The following GPA33 variants were observed in gnomAD, a reference collection of about 807,000 sequenced individuals.
The protein encoded by GPA33 is cell surface A33 antigen.
A neutral mutation model predicts 35.6 loss-of-function variants in GPA33; 27 were observed. That is an observed-to-expected ratio of 0.76 (90% CI 0.56 to 1.04). The LOEUF is 1.04. Among genes scored for constraint, GPA33 ranks in the 50% least tolerant of loss-of-function variants. GPA33 has a pLI of 0.00. For synonymous variants in GPA33, 176 were observed against 164.0 expected (o/e 1.07, Z -0.56); for missense variants, 428 against 411.9 (o/e 1.04, Z -0.34).
intron 3 of GPA33, among the ~76,000 whole-genome samples, chr1:167,064,310 AAAAAG>A (rs869297262): frequency 8.4e-6 from 1 of 119,710 alleles, no homozygotes; most frequent in African/African-American, 2.8e-5. Flanking sequence ...AGAAAAAAAG[AAAAAG>A]AAAGAAAGAA....
chr1:167,082,483 A>G (rs1666969480), intron 1 of GPA33, among the ~76,000 whole-genome samples: 1 of 152,206 alleles, frequency 6.6e-6, no homozygotes. Flanking sequence ...CCCCTTTGGG[A>G]TTGAAGAAGG....
At position 167,079,633 on chromosome 1, in the gene GPA33, C is replaced by T. The variant is rs111482955; in HGVS notation, c.44-6094G>A. On this transcript the variant is annotated intron_variant, in intron 1 of 6. Coordinates refer to ENST00000367868, the MANE Select transcript of GPA33 (RefSeq NM_005814.3). Reference sequence around the variant, plus strand: ...CACTTACATTTTCCATAATTTGAGACGAGAAGTTATTCCGTGTTTAAGAAC... The same window carrying T: ...CACTTACATTTTCCATAATTTGAGATGAGAAGTTATTCCGTGTTTAAGAAC... Among the ~76,000 whole-genome samples the T allele has an allele frequency of 1.6e-3, 242 of 152,266 alleles. 2 individuals carry two copies. Among genetic ancestry groups the T allele is most frequent in the African/African-American group, 5.4e-3 (224 of 41,546 alleles).
intron 4 of GPA33, among the ~76,000 whole-genome samples, chr1:167,059,630 C>A (rs1271081979): frequency 1.3e-5 from 2 of 152,170 alleles, no homozygotes; most frequent in Admixed American, 6.5e-5. Flanking sequence ...CCCCCTCCCC[C>A]ACTTCCTTGA....
chr1:167,060,104 G>T (rs1413508083), intron 4 of GPA33, among the ~76,000 whole-genome samples: 1 of 152,120 alleles, frequency 6.6e-6, no homozygotes, highest in Non-Finnish European at 1.5e-5. Flanking sequence ...TTTAAGATAA[G>T]ATCTGGCTCT....
At chr1:167,063,543 T>A (rs1265652380) in intron 4 of GPA33, 39 bp downstream of exon 4, 1 of 1,565,444 alleles carries the variant, frequency 6.4e-7, no homozygotes, top group African/African-American at 1.4e-5. Context: ...TGTGTTGCAC[T>A]TTGACGTGGG....
chr1:167,080,955 A>C (rs1454009566), intron 1 of GPA33, among the ~76,000 whole-genome samples: 3 of 152,344 alleles, frequency 2.0e-5, no homozygotes, highest in East Asian at 3.9e-4. Context: ...GAATTGCTGG[A>C]AATTGACCAA....
intron 4 of GPA33, among the ~76,000 whole-genome samples, chr1:167,056,701 G>T (rs1666284130): frequency 3.3e-4 from 1 of 2,992 alleles, no homozygotes. Flanking sequence ...TGGGTGTGTG[G>T]TGTGTGTAGT....
chr1:167,066,443 G>A (rs574715194), intron 3 of GPA33, among the ~76,000 whole-genome samples: 36 of 152,282 alleles, frequency 2.4e-4, no homozygotes, highest in South Asian at 2.1e-4. Flanking sequence ...CTCCCAAAGA[G>A]ATCAGCCTTA....
At chr1:167,067,616 T>A (rs1666628738) in intron 3 of GPA33, among the ~76,000 whole-genome samples, 1 of 152,040 alleles carries the variant, frequency 6.6e-6, no homozygotes, top group Admixed American at 6.6e-5. Flanking sequence ...CATATGTACG[T>A]GTGTGTATGG....
intron 4 of GPA33, among the ~76,000 whole-genome samples, chr1:167,057,304 T>G (rs773940215): frequency 1.3e-5 from 2 of 152,102 alleles, no homozygotes; most frequent in Non-Finnish European, 2.9e-5. Context: ...GCTTTGTGCT[T>G]GGGCATATGT....
At chr1:167,077,415 C>A (rs1160156075) in intron 1 of GPA33, among the ~76,000 whole-genome samples, 1 of 152,174 alleles carries the variant, frequency 6.6e-6, no homozygotes, top group East Asian at 1.9e-4. Context: ...CTGTCCTTGC[C>A]TGGACCAGGG....
At chr1:167,069,637 A>G (rs780477924) in intron 2 of GPA33, among the ~76,000 whole-genome samples, 11 of 152,226 alleles carry the variant, frequency 7.2e-5, no homozygotes, top group Non-Finnish European at 1.5e-4. Context: ...ATCAAATTGT[A>G]TGTGGTAATG....
intron 4 of GPA33, among the ~76,000 whole-genome samples, chr1:167,059,258 C>G (rs535338223): frequency 1.1e-4 from 17 of 152,290 alleles, no homozygotes; most frequent in African/African-American, 3.8e-4. Flanking sequence ...CTCCCAAGCC[C>G]CTTTTCCTTC....
At chr1:167,089,004 G>A (rs978197904) in intron 1 of GPA33, among the ~76,000 whole-genome samples, 1 of 152,200 alleles carries the variant, frequency 6.6e-6, no homozygotes, top group Non-Finnish European at 1.5e-5. Context: ...TATGTGCTCA[G>A]TAAAGAGTTG....
chr1:167,089,635 G>A (rs1156279959), intron 1 of GPA33, among the ~76,000 whole-genome samples: 1 of 152,158 alleles, frequency 6.6e-6, no homozygotes, highest in African/African-American at 2.4e-5. Context: ...ATGAATGTCT[G>A]ATTTTGTTCT....
At chr1:167,076,326 G>A (rs1666822868) in intron 1 of GPA33, among the ~76,000 whole-genome samples, 1 of 152,114 alleles carries the variant, frequency 6.6e-6, no homozygotes, top group South Asian at 2.1e-4. Flanking sequence ...TCTACCCACT[G>A]TAACAGGATG....
intron 3 of GPA33, among the ~76,000 whole-genome samples, chr1:167,063,988 A>G (rs1267728001): frequency 6.6e-6 from 1 of 152,216 alleles, no homozygotes; most frequent in Non-Finnish European, 1.5e-5. Flanking sequence ...TAGCTTTCCA[A>G]GGCATGGCCT....
intron 4 of GPA33, 24 bp from the exon 5 acceptor site, chr1:167,055,873 T>A: frequency 6.2e-7 from 1 of 1,613,296 alleles, no homozygotes; most frequent in Non-Finnish European, 8.5e-7. Context: ...AGAGTCAGGG[T>A]GAAGAGAGGC....
At chr1:167,062,455 A>C (rs1206786097) in intron 4 of GPA33, among the ~76,000 whole-genome samples, 1 of 151,714 alleles carries the variant, frequency 6.6e-6, no homozygotes, top group Non-Finnish European at 1.5e-5. Context: ...TCCTAGCCTC[A>C]AGTGATCCTC....
Sources: gnomAD v4.1 joint callset for allele counts (sites outside exome capture counted in the v4.1 genomes callset) on GRCh38, gnomAD v4.1.1 for gene constraint, MANE v1.5 for transcripts, NCBI Gene and HGNC (gene_info 2026-07-23, HGNC 2026-07-21) for gene names.